GRIP1: variants seen among roughly 807,000 people sequenced by gnomAD.
GRIP1 encodes the protein glutamate receptor interacting protein 1.
A neutral mutation model predicts 129.9 loss-of-function variants in GRIP1; 45 were observed. The ratio of observed to expected loss-of-function variants is 0.35; its 90% CI spans 0.27 to 0.44. The LOEUF (loss-of-function observed/expected upper bound fraction) is 0.44, where lower values mean the gene tolerates loss of function less well. Ranked by LOEUF, GRIP1 falls within the 20% of genes least tolerant of loss-of-function variation. The pLI is 1.00. For missense variants in GRIP1, 1,196 were observed against 1,396.8 expected (o/e 0.86, Z 2.29); for synonymous variants, 530 against 520.8 (o/e 1.02, Z -0.24).
At position 66,529,927 on chromosome 12, in the gene GRIP1, A is replaced by G. The variant is rs758836466; in HGVS notation, c.419-13T>C. 1 of 1,479,710 alleles carries G rather than the reference A, an allele frequency of 6.8e-7. No individual in the cohort carries two copies. Among genetic ancestry groups the G allele is most frequent in the South Asian group, 1.1e-5 (1 of 88,410 alleles). The allele number at this position is 1,479,710 out of a possible 1,614,324, so 91.7% of individuals were successfully genotyped here. A position where few individuals can be genotyped will look rare whatever the true frequency, so the allele number is the denominator to read the frequency against. ...GATCCTTGCACAGCTGAATAAAGGA[A>G]AGAGAGAAGGAAATATAACTTGTAA... On this transcript the variant is annotated splice_polypyrimidine_tract_variant and intron_variant, in intron 4 of 24. Transcript: ENST00000359742.
At chr12:67,029,086 T>C (rs1565646370) in intron 1 of GRIP1, among the ~76,000 whole-genome samples, 3 of 151,912 alleles carry the variant, frequency 2.0e-5, no homozygotes, top group African/African-American at 2.4e-5. Context: ...CTGGGCAAAA[T>C]AGTGAGACTG....
intron 1 of GRIP1, among the ~76,000 whole-genome samples, chr12:66,717,041 T>A (rs577449138): frequency 6.6e-6 from 1 of 152,174 alleles, no homozygotes; most frequent in South Asian, 2.1e-4. Context: ...ATGTTCTGAG[T>A]GCCAAAAACC....
intron 1 of GRIP1, among the ~76,000 whole-genome samples, chr12:66,842,177 A>G (rs538688557): frequency 9.9e-5 from 15 of 152,134 alleles, no homozygotes; most frequent in Non-Finnish European, 1.6e-4. Flanking sequence ...GAAAAAAACA[A>G]ACATCTATAA....
At chr12:67,020,284 C>CA (rs1471949867) in intron 1 of GRIP1, among the ~76,000 whole-genome samples, 1 of 152,110 alleles carries the variant, frequency 6.6e-6, no homozygotes, top group Non-Finnish European at 1.5e-5. Flanking sequence ...TCGGCATTTG[C>CA]ATCATTTTTT....
At chr12:66,543,428 TTCAA>T (rs1455284279) in intron 2 of GRIP1, among the ~76,000 whole-genome samples, 2 of 152,214 alleles carry the variant, frequency 1.3e-5, no homozygotes. Flanking sequence ...AAAATTGAAA[TTCAA>T]GAATGAAAAT....
At chr12:66,790,531 C>T (rs564486764) in intron 1 of GRIP1, among the ~76,000 whole-genome samples, 46 of 151,812 alleles carry the variant, frequency 3.0e-4, no homozygotes, top group African/African-American at 1.0e-3. Context: ...TGGACTACCC[C>T]GGGTGCAGAG....
chr12:66,525,525 A>G (rs1468161783), intron 5 of GRIP1, among the ~76,000 whole-genome samples: 4 of 151,808 alleles, frequency 2.6e-5, no homozygotes, highest in Non-Finnish European at 4.4e-5. Context: ...TTGATGGGAC[A>G]TATCTCAAAA....
chr12:66,978,577 T>C (rs1005098928), intron 1 of GRIP1, among the ~76,000 whole-genome samples: 3 of 152,230 alleles, frequency 2.0e-5, no homozygotes, highest in Admixed American at 6.5e-5. Flanking sequence ...GCATAGCTGA[T>C]GATGCCCAGG....
chr12:66,590,519 C>T (rs1036677473), intron 2 of GRIP1, among the ~76,000 whole-genome samples: 3 of 152,136 alleles, frequency 2.0e-5, no homozygotes, highest in Non-Finnish European at 4.4e-5. Flanking sequence ...GCGTACCTGC[C>T]ATAATAAGTA....
chr12:66,929,106 C>T (rs2041344469), intron 1 of GRIP1, among the ~76,000 whole-genome samples: 1 of 152,204 alleles, frequency 6.6e-6, no homozygotes, highest in African/African-American at 2.4e-5. Flanking sequence ...AATGCTTCTT[C>T]CAGTCTTTGT....
At chr12:66,963,460 T>C (rs1230099090) in intron 1 of GRIP1, among the ~76,000 whole-genome samples, 2 of 152,176 alleles carry the variant, frequency 1.3e-5, no homozygotes, top group Non-Finnish European at 1.5e-5. Context: ...GTAGGGATTA[T>C]AATTGGACCC....
At chr12:66,517,853 G>A (rs2060891486) in intron 6 of GRIP1, 48 bp downstream of exon 6, 1 of 973,282 alleles carries the variant, frequency 1.0e-6, no homozygotes, top group African/African-American at 1.6e-5. Context: ...AAAGTCCCCA[G>A]CTTTATTTAT....
At chr12:66,551,571 C>CTTTT (rs10719369) in intron 2 of GRIP1, among the ~76,000 whole-genome samples, 12 of 114,440 alleles carry the variant, frequency 1.0e-4, no homozygotes, top group African/African-American at 1.7e-4. Flanking sequence ...GGCTAGAATC[C>CTTTT]TTTTTTTTTT....
At chr12:66,698,049 T>C (rs910752592) in intron 1 of GRIP1, among the ~76,000 whole-genome samples, 1 of 152,198 alleles carries the variant, frequency 6.6e-6, no homozygotes, top group East Asian at 1.9e-4. Context: ...TGTGATCCTA[T>C]ATTTGTAGAA....
chr12:66,571,130 A>G (rs1241577283), intron 2 of GRIP1: 1 of 152,212 alleles, frequency 6.6e-6, no homozygotes, highest in East Asian at 1.9e-4. Flanking sequence ...CTGAATTCTA[A>G]TTGCAAGTTC....
At chr12:66,733,970 T>C (rs2036517524) in intron 1 of GRIP1, among the ~76,000 whole-genome samples, 1 of 151,886 alleles carries the variant, frequency 6.6e-6, no homozygotes, top group South Asian at 2.1e-4. Context: ...TGGATGCTTA[T>C]TGCTTTTTTC....
intron 2 of GRIP1, among the ~76,000 whole-genome samples, chr12:66,585,312 C>T (rs1417067432): frequency 2.3e-5 from 3 of 128,204 alleles, no homozygotes; most frequent in African/African-American, 8.8e-5. Flanking sequence ...TCCATATGAT[C>T]TCATTGTTCA....
intron 2 of GRIP1, among the ~76,000 whole-genome samples, chr12:66,575,801 G>A (rs2063119903): frequency 6.6e-6 from 1 of 152,158 alleles, no homozygotes; most frequent in Admixed American, 6.6e-5. Flanking sequence ...GAGCTACTCA[G>A]TTCCAATGTT....
chr12:66,522,704 G>A (rs2061061309), intron 5 of GRIP1, among the ~76,000 whole-genome samples: 1 of 152,150 alleles, frequency 6.6e-6, no homozygotes, highest in East Asian at 1.9e-4. Context: ...GTTGAGAGAA[G>A]AAGACTTCAG....
Sources: allele counts gnomAD v4.1 joint callset (sites outside exome capture counted in the v4.1 genomes callset), GRCh38; gene constraint gnomAD v4.1.1; transcripts MANE v1.5; gene names NCBI Gene and HGNC (gene_info 2026-07-23, HGNC 2026-07-21).